The following ABCA13 variants were observed in gnomAD, a reference collection of about 807,000 sequenced individuals.
ABCA13 encodes ATP-binding cassette sub-family A member 13.
A neutral mutation model predicts 478.7 loss-of-function variants in ABCA13; 476 were observed. The observed-to-expected ratio is 0.99, with a 90% CI of 0.92 to 1.07. The LOEUF is 1.07. ABCA13 is among the 50% of genes least tolerant of loss of function. The pLI is 0.00. For missense variants in ABCA13, 6,060 were observed against 5,910.6 expected (o/e 1.03, Z -0.83); for synonymous variants, 2,252 against 2,158.9 (o/e 1.04, Z -1.20).
chr7:48,387,454 A>C (rs1307155746), intron 35 of ABCA13, among the ~76,000 whole-genome samples: 3 of 152,156 alleles, frequency 2.0e-5, no homozygotes, highest in Non-Finnish European at 4.4e-5. Context: ...TGCAAACATC[A>C]AAGATAGGCA....
chr7:48,347,787 C>T (rs536783554), intron 29 of ABCA13, among the ~76,000 whole-genome samples: 77 of 152,326 alleles, frequency 5.1e-4, no homozygotes, highest in Middle Eastern at 6.8e-3. Flanking sequence ...TTGTCTCCTC[C>T]TCTACTGGAA....
chr7:48,315,261 G>A (rs1364520234), intron 26 of ABCA13, among the ~76,000 whole-genome samples: 3 of 152,168 alleles, frequency 2.0e-5, no homozygotes. Context: ...ACACTTAATG[G>A]CATAAGAAAA....
intron 8 of ABCA13, chr7:48,234,367 T>A (rs1009016904): frequency 6.6e-6 from 4 of 609,050 alleles, no homozygotes; most frequent in Admixed American, 2.6e-5. Context: ...TATCCCAGAA[T>A]GGAAAGGCAG....
intron 58 of ABCA13, among the ~76,000 whole-genome samples, chr7:48,609,865 G>A (rs1025332621): frequency 8.5e-5 from 13 of 152,132 alleles, no homozygotes; most frequent in African/African-American, 3.1e-4. Context: ...TAGCAACAGG[G>A]AAACCTGCCC....
At chr7:48,328,875 A>G (rs75468479) in intron 27 of ABCA13, among the ~76,000 whole-genome samples, 2,891 of 152,236 alleles carry the variant, frequency 0.019, 40 homozygotes, top group Non-Finnish European at 0.027. Context: ...TCACAATTTG[A>G]TATATTTTGT....
chr7:48,180,579 C>A (rs887407618), intron 1 of ABCA13, among the ~76,000 whole-genome samples: 1 of 151,592 alleles, frequency 6.6e-6, no homozygotes, highest in Non-Finnish European at 1.5e-5. Context: ...ACCCATCATG[C>A]CTGGCTAATT....
At chr7:48,514,218 G>T (rs1831937244) in intron 51 of ABCA13, among the ~76,000 whole-genome samples, 1 of 152,124 alleles carries the variant, frequency 6.6e-6, no homozygotes, top group South Asian at 2.1e-4. Flanking sequence ...TGATAATCTT[G>T]CTGTGTGTTG....
chr7:48,629,505 A>C (rs1793965756), intron 59 of ABCA13, among the ~76,000 whole-genome samples: 1 of 149,758 alleles, frequency 6.7e-6, no homozygotes. Flanking sequence ...GTTATCTTAC[A>C]AATTTTATTT....
intron 58 of ABCA13, among the ~76,000 whole-genome samples, chr7:48,599,504 A>G (rs1790656484): frequency 6.6e-6 from 1 of 152,182 alleles, no homozygotes; most frequent in South Asian, 2.1e-4. Context: ...ATTTGCAAAT[A>G]TGTATTTCCA....
intron 1 of ABCA13, 128 bp from the exon 2 acceptor site, chr7:48,192,831 G>C: frequency 1.4e-6 from 1 of 694,102 alleles, no homozygotes; most frequent in South Asian, 1.8e-5. Context: ...CCTTGTCTGT[G>C]GGCTCCTGTC....
chr7:48,569,943 G>C (rs1787445923), intron 55 of ABCA13, among the ~76,000 whole-genome samples: 1 of 152,130 alleles, frequency 6.6e-6, no homozygotes, highest in Non-Finnish European at 1.5e-5. Context: ...TGGATGGAGA[G>C]TTCTAAGTCT....
chr7:48,387,393 T>C (rs1365602273), intron 35 of ABCA13, among the ~76,000 whole-genome samples: 1 of 152,210 alleles, frequency 6.6e-6, no homozygotes, highest in East Asian at 1.9e-4. Context: ...TTTCAATTGA[T>C]TAATCCCCTC....
intron 23 of ABCA13, among the ~76,000 whole-genome samples, 159 bp downstream of exon 23, chr7:48,298,646 CAAG>C (rs771239644): frequency 7.2e-5 from 11 of 152,172 alleles, no homozygotes; most frequent in African/African-American, 1.4e-4. Flanking sequence ...AGAAAGGAAA[CAAG>C]AGAACAAGCA....
intron 48 of ABCA13, among the ~76,000 whole-genome samples, chr7:48,495,912 A>G (rs557752884): frequency 1.3e-5 from 2 of 152,298 alleles, no homozygotes; most frequent in East Asian, 1.9e-4. Context: ...TGATCTCAAC[A>G]TAGTCACTCC....
intron 47 of ABCA13, among the ~76,000 whole-genome samples, chr7:48,483,985 G>A (rs1829041706): frequency 6.6e-6 from 1 of 152,168 alleles, no homozygotes; most frequent in Non-Finnish European, 1.5e-5. Context: ...TGTGGATGTT[G>A]TGTCTACTCA....
At chr7:48,212,485 A>T (rs1038151834) in intron 3 of ABCA13, among the ~76,000 whole-genome samples, 1 of 152,196 alleles carries the variant, frequency 6.6e-6, no homozygotes, top group African/African-American at 2.4e-5. Context: ...TGTTTAGTGT[A>T]TGTTTAGCTA....
chr7:48,366,026 C>T (rs1312672587), intron 31 of ABCA13, among the ~76,000 whole-genome samples: 9 of 151,946 alleles, frequency 5.9e-5, no homozygotes, highest in African/African-American at 1.9e-4. Context: ...CACAAAAGAC[C>T]CAGAATAACC....
chr7:48,595,046 C>A (rs1435822821), intron 58 of ABCA13, among the ~76,000 whole-genome samples: 1 of 152,154 alleles, frequency 6.6e-6, no homozygotes, highest in Non-Finnish European at 1.5e-5. Flanking sequence ...AGAATTTGAA[C>A]CTAGTGTTCT....
chr7:48,250,762 C>G (rs1407378867), intron 15 of ABCA13, among the ~76,000 whole-genome samples: 1 of 152,180 alleles, frequency 6.6e-6, no homozygotes, highest in Non-Finnish European at 1.5e-5. Flanking sequence ...GTAAAACTTG[C>G]ACTTCTGACC....
Sources: allele counts gnomAD v4.1 joint callset (sites outside exome capture counted in the v4.1 genomes callset), GRCh38; gene constraint gnomAD v4.1.1; transcripts MANE v1.5; gene names NCBI Gene and HGNC (gene_info 2026-07-23, HGNC 2026-07-21).